Variants in ARID1A observed in about 807,000 individuals in gnomAD.
ARID1A encodes AT-rich interactive domain-containing protein 1A.
A neutral mutation model predicts 212.6 loss-of-function variants in ARID1A; 20 were observed. The ratio of observed to expected loss-of-function variants is 0.09; its 90% CI spans 0.07 to 0.14. ARID1A has a LOEUF of 0.14. ARID1A is among the 10% of genes least tolerant of loss of function. The pLI is 1.00. For synonymous variants in ARID1A, 1,376 were observed against 1,222.1 expected, an observed-to-expected ratio of 1.13 and a Z score of -2.63; for missense variants, 2,587 against 3,059.0, an observed-to-expected ratio of 0.85 and a Z score of 3.64.
At chr1:26,744,695 G>C (rs1480339131) in intron 4 of ARID1A, among the ~76,000 whole-genome samples, 3 of 152,128 alleles carry the variant, frequency 2.0e-5, no homozygotes, top group Non-Finnish European at 2.9e-5. Flanking sequence ...AAGCTTCCCT[G>C]AAGCCCAGGT....
At chr1:26,735,524 T>C (rs892415407) in intron 4 of ARID1A, among the ~76,000 whole-genome samples, 1 of 152,184 alleles carries the variant, frequency 6.6e-6, no homozygotes, top group Non-Finnish European at 1.5e-5. Flanking sequence ...ACTCCTGATC[T>C]CAGGTGATCC....
intron 1 of ARID1A, among the ~76,000 whole-genome samples, chr1:26,707,038 T>G (rs1440323711): frequency 2.0e-5 from 3 of 151,794 alleles, no homozygotes; most frequent in Non-Finnish European, 4.4e-5. Flanking sequence ...CCTGACTTTT[T>G]TTTTTTTTTA....
chr1:26,746,910 G>A (rs1465303780), intron 4 of ARID1A, among the ~76,000 whole-genome samples: 1 of 152,172 alleles, frequency 6.6e-6, no homozygotes, highest in Non-Finnish European at 1.5e-5. Context: ...GCAGGCACCT[G>A]TAATACCAGC....
intron 4 of ARID1A, among the ~76,000 whole-genome samples, chr1:26,739,043 C>T (rs1045182214): frequency 1.3e-5 from 2 of 151,968 alleles, no homozygotes; most frequent in Admixed American, 6.6e-5. Flanking sequence ...CCCACCACCA[C>T]GCCTGGCTAA....
intron 1 of ARID1A, among the ~76,000 whole-genome samples, chr1:26,697,996 A>T (rs1158842003): frequency 6.6e-6 from 1 of 151,866 alleles, no homozygotes; most frequent in Non-Finnish European, 1.5e-5. Context: ...CTGTGCTTTC[A>T]AAGAGGGCCC....
At chr1:26,714,317 G>T (rs1005839202) in intron 1 of ARID1A, among the ~76,000 whole-genome samples, 4 of 152,216 alleles carry the variant, frequency 2.6e-5, no homozygotes, top group African/African-American at 9.6e-5. Flanking sequence ...GAGAAGAACT[G>T]TAGAATTTGT....
Position 26,779,436 on chromosome 1 carries a change from T to G in ARID1A, c.5538T>G (p.Ile1846Met). The change falls in exon 20 of 20, where the codon ATT becomes ATG. Residue 1846 changes from isoleucine to methionine, a missense_variant. Physicochemically the swap from Ile to Met is conservative, Grantham distance 10 (BLOSUM62 1). Transcript: ENST00000324856. Reference sequence around the variant, plus strand: ...ACAGTGGCCTGCTGCACTGGCGGATTGGTGGGGGGGACACCACTGAGCATA... The same window carrying G: ...ACAGTGGCCTGCTGCACTGGCGGATGGGTGGGGGGGACACCACTGAGCATA... ...EFDSGLLHWR[I>M]GGGDTTEHIQ... 1 of 1,614,112 alleles carries G rather than the reference T, an allele frequency of 6.2e-7. No individual in the cohort carries two copies. Among genetic ancestry groups the G allele is most frequent in the South Asian group, 1.1e-5 (1 of 91,088 alleles).
intron 4 of ARID1A, chr1:26,753,048 C>G (rs1425275158): frequency 6.6e-6 from 1 of 152,204 alleles, no homozygotes; most frequent in Non-Finnish European, 1.5e-5. Flanking sequence ...GCCATTTAAC[C>G]TGCTCAGCAA....
intron 2 of ARID1A, among the ~76,000 whole-genome samples, chr1:26,730,590 TTTTA>T (rs1284290144): frequency 6.6e-6 from 1 of 152,220 alleles, no homozygotes; most frequent in African/African-American, 2.4e-5. Context: ...TATTTATTTT[TTTTA>T]TTTTTTTGCC....
intron 1 of ARID1A, among the ~76,000 whole-genome samples, chr1:26,702,738 TA>T (rs1166929083): frequency 6.6e-6 from 1 of 151,656 alleles, no homozygotes; most frequent in Non-Finnish European, 1.5e-5. Flanking sequence ...AGAAGTGATC[TA>T]AAAAAAAATT....
intron 1 of ARID1A, among the ~76,000 whole-genome samples, chr1:26,700,465 TTCATAAG>T (rs2080321488): frequency 6.6e-6 from 1 of 152,218 alleles, no homozygotes; most frequent in African/African-American, 2.4e-5. Context: ...TTTATTCCTT[TTCATAAG>T]TAGTGTATCT....
In ARID1A at chr1:26,779,562, A is replaced by C. The variant is rs1440437850; in HGVS notation, c.5664A>C (p.Thr1888=). 2 of 1,614,012 alleles carry C rather than the reference A, an allele frequency of 1.2e-6. No individual in the cohort carries two copies. Among genetic ancestry groups the C allele is most frequent in the African/African-American group, 2.7e-5 (2 of 74,896 alleles). The change falls in exon 20 of 20, where the codon ACA becomes ACC. Residue 1888 remains threonine (T), a synonymous_variant. Coordinates refer to ENST00000324856, the MANE Select transcript of ARID1A (RefSeq NM_006015.6). ...PRKHVTTAEG[T]PGTTDQEGPP... ...AGCATGTGACAACAGCAGAGGGTAC[A>C]CCAGGGACAACAGACCAGGAGGGGC...
In ARID1A at chr1:26,780,129, C is replaced by G. The variant is rs373094718; in HGVS notation, c.6231C>G (p.Pro2077=). 1.2e-6 allele frequency: 2 copies of G among 1,614,164 alleles called. No individual in the cohort carries two copies. The highest frequency in any genetic ancestry group is 1.1e-5 in the South Asian group (1 of 91,080). ...ISGQLDLSPY[P]ESICLPVLDG... ...GGCAGTTGGACCTATCTCCATACCCCGAGAGCATTTGCCTGCCTGTCCTGG... is the reference window on the plus strand; with the variant it reads ...GGCAGTTGGACCTATCTCCATACCCGGAGAGCATTTGCCTGCCTGTCCTGG... The change falls in exon 20 of 20, where the codon CCC becomes CCG. Residue 2077 remains proline, a synonymous_variant. Coordinates refer to ENST00000324856, the MANE Select transcript of ARID1A (RefSeq NM_006015.6). The surrounding 1 kb of genome is among the most constrained non-coding windows in gnomAD (Gnocchi z 7.2).
At chr1:26,763,369 A>T in intron 8 of ARID1A, 84 bp downstream of exon 8, 1 of 1,423,936 alleles carries the variant, frequency 7.0e-7, no homozygotes, top group Non-Finnish European at 9.4e-7. Context: ...TTCTGGACCT[A>T]AACCAGGGGG....
In ARID1A at chr1:26,779,012, T is replaced by A. The variant is rs763163115; in HGVS notation, c.5125-11T>A. ...CTCCCTTAATTTATTTCCTGTTCTT[T>A]CTCTTTTTAGCTCCCAGGGTTGCTA... On this transcript the variant is annotated splice_polypyrimidine_tract_variant and intron_variant, in intron 19 of 19. Transcript: ENST00000324856. The A allele has an allele frequency of 6.0e-6, 9 of 1,499,854 alleles. No individual in the cohort carries two copies. In the South Asian group the frequency reaches 1.1e-4, roughly 19 times the overall value. The allele number at this position is 1,499,854 out of a possible 1,614,324, so 92.9% of individuals were successfully genotyped here. A position where few individuals can be genotyped will look rare whatever the true frequency, so the allele number is the denominator to read the frequency against.
At chr1:26,735,315 C>T (rs954288148) in intron 4 of ARID1A, among the ~76,000 whole-genome samples, 1 of 149,770 alleles carries the variant, frequency 6.7e-6, no homozygotes, top group African/African-American at 2.5e-5. Context: ...TTTTTGGATA[C>T]TGAGTCTCAC....
intron 4 of ARID1A, among the ~76,000 whole-genome samples, chr1:26,738,838 C>T (rs1003940924): frequency 6.6e-6 from 1 of 151,322 alleles, no homozygotes; most frequent in Non-Finnish European, 1.5e-5. Flanking sequence ...GGATTATAGG[C>T]GTCAGCCACT....
At chr1:26,763,613 T>C (rs1259868617) in intron 8 of ARID1A, among the ~76,000 whole-genome samples, 1 of 152,066 alleles carries the variant, frequency 6.6e-6, no homozygotes, top group African/African-American at 2.4e-5. Flanking sequence ...GTACTAAAAA[T>C]ACAAAAATTA....
At chr1:26,733,008 A>G (rs1484206320) in intron 4 of ARID1A, among the ~76,000 whole-genome samples, 1 of 152,174 alleles carries the variant, frequency 6.6e-6, no homozygotes, top group African/African-American at 2.4e-5. Flanking sequence ...TGTCTTTTTA[A>G]GTCTTGTGCT....
Sources: gnomAD v4.1 joint callset for allele counts (sites outside exome capture counted in the v4.1 genomes callset) on GRCh38, gnomAD v4.1.1 for gene constraint, Gnocchi (gnomAD v3.1) non-coding constraint, MANE v1.5 for transcripts, NCBI Gene and HGNC (gene_info 2026-07-23, HGNC 2026-07-21) for gene names.